The following CFAP44 variants were observed in gnomAD, a reference collection of about 807,000 sequenced individuals.
CFAP44 encodes cilia and flagella associated protein 44.
CFAP44 carries 134 observed loss-of-function variants against 216.2 expected under a neutral mutation model. The observed-to-expected ratio is 0.62, with a 90% CI of 0.54 to 0.72. The LOEUF (loss-of-function observed/expected upper bound fraction) is 0.72. CFAP44 is among the 30% of genes least tolerant of loss of function. The pLI is 0.00. For missense variants in CFAP44, 2,035 were observed against 2,182.1 expected, an observed-to-expected ratio of 0.93 and a Z score of 1.34; for synonymous variants, 700 against 727.6, an observed-to-expected ratio of 0.96 and a Z score of 0.61.
intron 6 of CFAP44, among the ~76,000 whole-genome samples, chr3:113,414,839 C>A (rs1286974958): frequency 6.6e-6 from 1 of 152,068 alleles, no homozygotes; most frequent in Non-Finnish European, 1.5e-5. Flanking sequence ...TGTTATGTCT[C>A]TTTCCGGTTT....
chr3:113,407,828 T>C (rs929028050), intron 7 of CFAP44, among the ~76,000 whole-genome samples: 1 of 152,210 alleles, frequency 6.6e-6, no homozygotes, highest in East Asian at 1.9e-4. Context: ...AAAGCCTAGA[T>C]AGCCAACATC....
At chr3:113,311,645 G>A (rs1950039579) in intron 28 of CFAP44, among the ~76,000 whole-genome samples, 1 of 152,136 alleles carries the variant, frequency 6.6e-6, no homozygotes, top group Admixed American at 6.5e-5. Context: ...CAGTAGAGTG[G>A]GGCGCTGTTG....
At chr3:113,398,472 T>C (rs1354619899) in intron 13 of CFAP44, among the ~76,000 whole-genome samples, 2 of 152,192 alleles carry the variant, frequency 1.3e-5, no homozygotes, top group South Asian at 4.1e-4. Flanking sequence ...TACTCGAATA[T>C]AAGCCTAAAA....
intron 24 of CFAP44, among the ~76,000 whole-genome samples, chr3:113,338,487 A>G (rs921316312): frequency 7.2e-5 from 11 of 152,162 alleles, no homozygotes; most frequent in Non-Finnish European, 1.2e-4. Flanking sequence ...CACTAAAAAT[A>G]TATAGATGGC....
At chr3:113,401,367 AAAGT>A in intron 10 of CFAP44, 80 bp from the exon 11 acceptor site, 1 of 1,363,348 alleles carries the variant, frequency 7.3e-7, no homozygotes, top group African/African-American at 1.5e-5. Flanking sequence ...ATGTTTTATT[AAAGT>A]AAGGACAAGC....
chr3:113,294,171 T>C, intron 34 of CFAP44: 1 of 408,596 alleles, frequency 2.4e-6, no homozygotes, highest in Non-Finnish European at 4.8e-6. Flanking sequence ...AAGACTTGGA[T>C]TGGGTAAATA....
intron 27 of CFAP44, among the ~76,000 whole-genome samples, chr3:113,326,895 A>T (rs909519632): frequency 6.6e-6 from 1 of 152,162 alleles, no homozygotes; most frequent in Non-Finnish European, 1.5e-5. Context: ...AATCTAAATT[A>T]AATTGAAACT....
In CFAP44 at chr3:113,288,566, A is replaced by G. The variant is rs1485445247; in HGVS notation, c.*2991T>C. On this transcript the variant is annotated 3_prime_UTR_variant, in exon 35 of 35. Transcript: ENST00000393845. ...TTGCTTTGCTATCCAGAGGCCCCCC[A>G]ATCTGAGCTGTAACTCACCTTCTAG... 1 of 152,176 alleles carries G rather than the reference A, an allele frequency of 6.6e-6. No homozygotes were observed. The highest frequency in any genetic ancestry group is 1.5e-5 in the Non-Finnish European group (1 of 68,046). The allele number at this position is 152,176 out of a possible 1,614,324, so 9.4% of individuals were successfully genotyped here.
intron 24 of CFAP44, among the ~76,000 whole-genome samples, chr3:113,341,032 C>T (rs1950328638): frequency 6.6e-6 from 1 of 152,198 alleles, no homozygotes; most frequent in African/African-American, 2.4e-5. Context: ...TCTGTTGATG[C>T]CTGTCAGCGT....
At chr3:113,395,339 G>A (rs75438201) in intron 15 of CFAP44, among the ~76,000 whole-genome samples, 7,431 of 152,286 alleles carry the variant, frequency 0.049, 324 homozygotes, top group Admixed American at 0.07. Context: ...GGGCAGAGGA[G>A]AAGTAAAGAG....
intron 5 of CFAP44, among the ~76,000 whole-genome samples, chr3:113,419,547 AT>A (rs1934750553): frequency 1.3e-5 from 2 of 152,206 alleles, no homozygotes; most frequent in African/African-American, 4.8e-5. Flanking sequence ...AACAAACATG[AT>A]AGTATCTTTC....
chr3:113,393,527 T>TTTTG (rs1248977141), intron 15 of CFAP44, among the ~76,000 whole-genome samples: 2 of 152,076 alleles, frequency 1.3e-5, no homozygotes, highest in Non-Finnish European at 2.9e-5. Flanking sequence ...CCACTCCCTC[T>TTTTG]TTTGTTTGTT....
rs757909999 is a variant in CFAP44 at position 113,333,516 on chromosome 3, C to T, written c.3505G>A (p.Val1169Met). The T allele has an allele frequency of 6.5e-7, 1 of 1,537,072 alleles. No homozygotes were observed. Among genetic ancestry groups the T allele is most frequent in the Non-Finnish European group, 8.7e-7 (1 of 1,146,864 alleles). Residue 1169 changes from valine (V) to methionine (M), a missense_variant, in exon 25 of 35, where the codon GTG becomes ATG. Val to Met is a conservative substitution (Grantham distance 21). Coordinates refer to ENST00000393845, the MANE Select transcript of CFAP44 (RefSeq NM_001164496.2). Reference sequence around the variant, plus strand: ...TTCAGATTGAAATCTCCCATATACACCTGGGCTTCTTTGATGGCTTGAAGA... The same window carrying T: ...TTCAGATTGAAATCTCCCATATACATCTGGGCTTCTTTGATGGCTTGAAGA... Reference protein sequence around the residue: ...KDLQAIKEAQVYMGDFNLKTA... With the variant: ...KDLQAIKEAQMYMGDFNLKTA...
chr3:113,426,563 T>C (rs1486848932), intron 3 of CFAP44, among the ~76,000 whole-genome samples: 1 of 152,216 alleles, frequency 6.6e-6, no homozygotes, highest in Non-Finnish European at 1.5e-5. Flanking sequence ...GCCATAATTG[T>C]AAGTTTCCTG....
chr3:113,421,414 C>T (rs1379636345), intron 4 of CFAP44, among the ~76,000 whole-genome samples: 1 of 152,200 alleles, frequency 6.6e-6, no homozygotes, highest in African/African-American at 2.4e-5. Context: ...AGTTCAGCCA[C>T]TGTGGAAAGC....
rs142198130 is a variant in CFAP44, at chr3:113,349,337, G to T, written c.3066-4625C>A. 6.0e-3 allele frequency among the ~76,000 whole-genome samples: 909 copies of T among 152,260 alleles called. 7 individuals carry two copies. The highest frequency in any genetic ancestry group is 0.021 in the African/African-American group (852 of 41,550). On this transcript the variant is annotated intron_variant, in intron 22 of 34. Coordinates refer to ENST00000393845, the MANE Select transcript of CFAP44 (RefSeq NM_001164496.2). ...AGAAAGCTCCAAAAGCTAGCCCTGG[G>T]CCCTGAACAAAATCTGGAGGCATTA...
Position 113,404,028 on chromosome 3 carries a change from G to A in CFAP44, c.1006-12C>T, listed in dbSNP as rs1166307098. 6.2e-7 allele frequency: 1 copy of A among 1,607,094 alleles called. No homozygotes were observed. Among genetic ancestry groups the A allele is most frequent in the Admixed American group, 1.7e-5 (1 of 59,028 alleles). Reference sequence around the variant, plus strand: ...GACCCTGAGAGCACCTGGCAGGTATGTGGAAAAAAGAAATGTGCATTAAAA... The same window carrying A: ...GACCCTGAGAGCACCTGGCAGGTATATGGAAAAAAGAAATGTGCATTAAAA... On this transcript the variant is annotated splice_polypyrimidine_tract_variant and intron_variant, in intron 8 of 34. Coordinates refer to ENST00000393845, the MANE Select transcript of CFAP44 (RefSeq NM_001164496.2).
intron 26 of CFAP44, among the ~76,000 whole-genome samples, chr3:113,329,448 A>G (rs1950221689): frequency 6.6e-6 from 1 of 152,196 alleles, no homozygotes. Flanking sequence ...AAGAACAGTG[A>G]GAAAACAGGG....
At chr3:113,302,456 G>GAAAAAAAAAAAAAAAAAAAA (rs1949944461) in intron 32 of CFAP44, among the ~76,000 whole-genome samples, 1 of 60,360 alleles carries the variant, frequency 1.7e-5, no homozygotes, top group Non-Finnish European at 3.1e-5. Flanking sequence ...ACTAGACAAA[G>GAAAAAAAAAAAAAAAAAAAA]TAAAAAAAAA....
Sources: gnomAD v4.1 joint callset for allele counts (sites outside exome capture counted in the v4.1 genomes callset) on GRCh38, gnomAD v4.1.1 for gene constraint, MANE v1.5 for transcripts, NCBI Gene and HGNC (gene_info 2026-07-23, HGNC 2026-07-21) for gene names.